Variants in PKD1 observed in about 807,000 individuals in gnomAD.
PKD1 encodes polycystin 1, transient receptor potential channel interacting, also known as polycystin-1.
Under a neutral mutation model 361.7 loss-of-function variants are expected in PKD1, and 81 were observed. The observed-to-expected ratio is 0.22, with a 90% CI of 0.19 to 0.27. The LOEUF (loss-of-function observed/expected upper bound fraction) is 0.27. Among genes scored for constraint, PKD1 ranks in the 10% least tolerant of loss-of-function variants. PKD1 has a pLI of 1.00. For missense variants in PKD1, 6,399 were observed against 6,118.3 expected (o/e 1.05, Z -1.53); for synonymous variants, 3,615 against 2,818.3 (o/e 1.28, Z -8.95).
chr16:2,102,979 G>C lies in PKD1; in HGVS notation c.8792-9C>G, dbSNP rs2151752355. 3 of 1,602,016 alleles carry C rather than the reference G, an allele frequency of 1.9e-6. No homozygotes were observed. Among genetic ancestry groups the C allele is most frequent in the East Asian group, 2.2e-5 (1 of 44,868 alleles). On this transcript the variant is annotated splice_polypyrimidine_tract_variant and intron_variant, in intron 23 of 45. Coordinates refer to ENST00000262304, the MANE Select transcript of PKD1 (RefSeq NM_001009944.3). ...CTCAGACAGGTAGTGGCCTGGGGCAGAACGCGCAGGTCACACGCCTGCCGG... is the reference window on the plus strand; with the variant it reads ...CTCAGACAGGTAGTGGCCTGGGGCACAACGCGCAGGTCACACGCCTGCCGG...
Position 2,105,868 on chromosome 16 carries a change from G to C in PKD1, c.7860C>G (p.Asn2620Lys), listed in dbSNP as rs767483568. 5 of 1,595,868 alleles carry C rather than the reference G, an allele frequency of 3.1e-6. No individual in the cohort carries two copies. The highest frequency in any genetic ancestry group is 4.2e-6 in the Non-Finnish European group (5 of 1,179,528). The change falls in exon 20 of 46, where the codon AAC becomes AAG. Residue 2620 changes from asparagine (N) to lysine (K), a missense_variant. Transcript: ENST00000262304. ...EYSLALVTVL[N>K]EYERALDVAA... Reference sequence around the variant, plus strand: ...TCCCCTCCCAGGCTGCACTCACCTCGTTCAGCACGGTGACCAGGGCCAACG... The same window carrying C: ...TCCCCTCCCAGGCTGCACTCACCTCCTTCAGCACGGTGACCAGGGCCAACG...
At position 2,114,597 on chromosome 16, in the gene PKD1, T is replaced by G; in HGVS notation, c.2426A>C (p.His809Pro). 6.3e-7 allele frequency: 1 copy of G among 1,590,832 alleles called. No homozygotes were observed. The highest frequency in any genetic ancestry group is 8.5e-7 in the Non-Finnish European group (1 of 1,177,264). ...CACGTCAAAGCTGCAGGAGAGGTTG[T>G]GCCTGGACACGCCATTGCCCACCTC... ...RAEVGNGVSR[H>P]NLSCSFDVVS... Residue 809 changes from histidine to proline, a missense_variant, in exon 11 of 46, where the codon CAC becomes CCC. His to Pro is a moderately conservative substitution (Grantham distance 77). Transcript: ENST00000262304.
chr16:2,101,975 C>A, intron 26 of PKD1, 86 bp downstream of exon 26: 1 of 817,512 alleles, frequency 1.2e-6, no homozygotes, highest in Non-Finnish European at 2.1e-6. Flanking sequence ...TGTTCTGACG[C>A]CTGCGACGAG....
rs754379960 is a variant in PKD1 at position 2,109,276 on chromosome 16, C to T, written c.5891G>A (p.Arg1964His). ...ACTCACGGCCTCCAGCACCACGATG[C>T]GCACCTGCGCCTGGGCCCAGCTCAC... ...NHVSWAQAQVRIVVLEAVSGL... is the reference protein window; with the variant it reads ...NHVSWAQAQVHIVVLEAVSGL... The change falls in exon 15 of 46, where the codon CGC becomes CAC. Residue 1964 changes from arginine (R) to histidine (H), a missense_variant. By Grantham distance (29) the Arg-to-His change is conservative (BLOSUM62 0). Coordinates refer to ENST00000262304, the MANE Select transcript of PKD1 (RefSeq NM_001009944.3). 8 of 1,583,166 alleles carry T rather than the reference C, an allele frequency of 5.1e-6. No homozygotes were observed. Among genetic ancestry groups the T allele is most frequent in the South Asian group, 3.4e-5 (3 of 89,392 alleles).
In PKD1 at chr16:2,106,951, G is replaced by A. The variant is rs1475533836; in HGVS notation, c.7066-3C>T. 1 of 1,585,958 alleles carries A rather than the reference G, an allele frequency of 6.3e-7. No homozygotes were observed. The highest frequency in any genetic ancestry group is 8.5e-7 in the Non-Finnish European group (1 of 1,172,010). On this transcript the variant is annotated splice_polypyrimidine_tract_variant and splice_region_variant and intron_variant, in intron 16 of 45. Coordinates refer to ENST00000262304, the MANE Select transcript of PKD1 (RefSeq NM_001009944.3). The surrounding 1 kb of genome is among the most constrained non-coding windows in gnomAD (Gnocchi z 6.5). Reference sequence around the variant, plus strand: ...ACCCGGCCACTCCGGATCAGCACCTGGCGTGGGAGTGGGGTTACCTCCAAC... The same window carrying A: ...ACCCGGCCACTCCGGATCAGCACCTAGCGTGGGAGTGGGGTTACCTCCAAC...
intron 1 of PKD1, among the ~76,000 whole-genome samples, chr16:2,131,452 G>T (rs1419131084): frequency 2.0e-5 from 3 of 152,000 alleles, no homozygotes; most frequent in Non-Finnish European, 4.4e-5. Context: ...AGCTTGCAGT[G>T]AGCTGAGATG....
At chr16:2,123,658 G>T in intron 1 of PKD1, 1 of 410,962 alleles carries the variant, frequency 2.4e-6, no homozygotes, top group South Asian at 1.8e-5. Flanking sequence ...CTGCAAGGAT[G>T]GGGGACACAG....
At chr16:2,104,818 G>T (rs2092271683) in intron 21 of PKD1, among the ~76,000 whole-genome samples, 176 bp from the exon 22 acceptor site, 1 of 140,240 alleles carries the variant, frequency 7.1e-6, no homozygotes, top group African/African-American at 2.7e-5. Flanking sequence ...CATGACCCAG[G>T]GCCTCCACCT....
Position 2,135,534 on chromosome 16 carries a change from C to T in PKD1, c.156G>A (p.Ser52=), listed in dbSNP as rs2092940460. The change falls in exon 1 of 46, where the codon TCG becomes TCA. Residue 52 remains serine (S), a synonymous_variant. Transcript: ENST00000262304. ...GACCGAGCGTCCGCAGCCCGCGGCCCGAGCAGTTGACGCGGCAGGCGGCGC... is the reference window on the plus strand; with the variant it reads ...GACCGAGCGTCCGCAGCCCGCGGCCTGAGCAGTTGACGCGGCAGGCGGCGC... ...APGAACRVNC[S]GRGLRTLGPA... 8.6e-7 allele frequency: 1 copy of T among 1,158,710 alleles called. No homozygotes were observed. The highest frequency in any genetic ancestry group is 1.1e-6 in the Non-Finnish European group (1 of 941,164). 71.8% of individuals were successfully genotyped at this position (1,158,710 alleles called of 1,614,324 possible). A position where few individuals can be genotyped will look rare whatever the true frequency, so the allele number is the denominator to read the frequency against.
In PKD1 at chr16:2,102,975, G is replaced by T. The variant is rs758425466; in HGVS notation, c.8792-5C>A. On this transcript the variant is annotated splice_polypyrimidine_tract_variant and splice_region_variant and intron_variant, in intron 23 of 45. Transcript: ENST00000262304. ...GTTCCTCAGACAGGTAGTGGCCTGGGGCAGAACGCGCAGGTCACACGCCTG... is the reference window on the plus strand; with the variant it reads ...GTTCCTCAGACAGGTAGTGGCCTGGTGCAGAACGCGCAGGTCACACGCCTG... 9 of 1,602,640 alleles carry T rather than the reference G, an allele frequency of 5.6e-6. No homozygotes were observed. The Middle Eastern group carries it at 6.7e-4, about 120-fold the overall frequency.
In PKD1 at chr16:2,118,285, T is replaced by C. The variant is rs766532861; in HGVS notation, c.707A>G (p.Gln236Arg). The C allele has an allele frequency of 2.0e-6, 3 of 1,531,222 alleles. No individual in the cohort carries two copies. Among genetic ancestry groups the C allele is most frequent in the South Asian group, 2.4e-5 (2 of 84,128 alleles). 94.9% of individuals were successfully genotyped at this position (1,531,222 alleles called of 1,614,324 possible). Reference sequence around the variant, plus strand: ...GCAGGCAAAGGAGGCACTGGAGGGCTGGGCCGCCCCACACAGGCACCAGCC... The same window carrying C: ...GCAGGCAAAGGAGGCACTGGAGGGCCGGGCCGCCCCACACAGGCACCAGCC... ...EQGWCLCGAAQPSSASFACLS... is the reference protein window; with the variant it reads ...EQGWCLCGAARPSSASFACLS... Residue 236 changes from glutamine to arginine, a missense_variant, in exon 5 of 46, where the codon CAG (glutamine) becomes CGG (arginine). Transcript: ENST00000262304. The surrounding 1 kb of genome is among the most constrained non-coding windows in gnomAD (Gnocchi z 6.0).
At chr16:2,119,992 G>A (rs889893014) in intron 1 of PKD1, 22 of 595,134 alleles carry the variant, frequency 3.7e-5, no homozygotes, top group East Asian at 2.8e-4. Flanking sequence ...CGGAAGGATC[G>A]CCTGGGCCCA....
chr16:2,095,767 G>A (rs2151718234), intron 34 of PKD1, among the ~76,000 whole-genome samples: 2 of 152,314 alleles, frequency 1.3e-5, no homozygotes, highest in African/African-American at 4.8e-5. Flanking sequence ...GGAGGGTGAG[G>A]GCCACGCGCT....
intron 24 of PKD1, 87 bp from the exon 25 acceptor site, chr16:2,102,720 C>G (rs1394615339): frequency 1.9e-6 from 3 of 1,606,468 alleles, no homozygotes; most frequent in Non-Finnish European, 1.7e-6. Flanking sequence ...GTCCAGTCCC[C>G]TCGCTGCCTG....
chr16:2,132,433 T>C (rs1372684137), intron 1 of PKD1, among the ~76,000 whole-genome samples: 1 of 149,804 alleles, frequency 6.7e-6, no homozygotes, highest in African/African-American at 2.5e-5. Context: ...CTGGGCACGG[T>C]GGTGCATGCC....
At chr16:2,092,386 G>A (rs2091635634) in intron 39 of PKD1, 94 bp downstream of exon 39, 2 of 1,009,280 alleles carry the variant, frequency 2.0e-6, no homozygotes, top group Non-Finnish European at 3.0e-6. Context: ...AGGTCACACA[G>A]CTAGGGAGCA....
chr16:2,100,387 C>T lies in PKD1; in HGVS notation c.9568+9G>A, dbSNP rs543314024. 27 of 1,611,224 alleles carry T rather than the reference C, an allele frequency of 1.7e-5. 1 individual carries two copies. In the East Asian group the frequency reaches 1.8e-4, roughly 11 times the overall value. On this transcript the variant is annotated intron_variant, in intron 27 of 45. Coordinates refer to ENST00000262304, the MANE Select transcript of PKD1 (RefSeq NM_001009944.3). This position sits in a 1 kb window ranked among gnomAD's most constrained non-coding sequence, Gnocchi z 4.4. Reference sequence around the variant, plus strand: ...CAGAGGGGCAGAGCTTGGCAGGGTCCGCACAAACCTTTGTTGTCGTGCCAC... The same window carrying T: ...CAGAGGGGCAGAGCTTGGCAGGGTCTGCACAAACCTTTGTTGTCGTGCCAC...
At chr16:2,112,050 C>T (rs1198300965) in intron 14 of PKD1, among the ~76,000 whole-genome samples, 179 bp from the exon 15 acceptor site, 2 of 152,220 alleles carry the variant, frequency 1.3e-5, no homozygotes, top group East Asian at 3.9e-4. Context: ...GCACTGAGGG[C>T]TGCCTGGCGA....
chr16:2,124,239 C>A (rs9933967), intron 1 of PKD1, among the ~76,000 whole-genome samples: 4,027 of 152,340 alleles, frequency 0.026, 196 homozygotes, highest in African/African-American at 0.092. Context: ...GCCTGCCGGC[C>A]CGAGGTAGCT....
Sources: gnomAD v4.1 joint callset for allele counts (sites outside exome capture counted in the v4.1 genomes callset) on GRCh38, gnomAD v4.1.1 for gene constraint, Gnocchi (gnomAD v3.1) non-coding constraint, MANE v1.5 for transcripts, NCBI Gene and HGNC (gene_info 2026-07-23, HGNC 2026-07-21) for gene names.